Variants in GNAS-AS1 observed in about 807,000 individuals in gnomAD.
GNAS-AS1 encodes the protein GNAS antisense RNA 1, also known as GNAS antisense RNA 1 (non-protein coding).
chr20:58,840,144 C>T lies in GNAS-AS1; in HGVS notation n.819+1793G>A, dbSNP rs778940007. 2 of 1,611,598 alleles carry T rather than the reference C, an allele frequency of 1.2e-6. No homozygotes were observed. The highest frequency in any genetic ancestry group is 3.3e-5 in the Admixed American group (2 of 60,026). On this transcript the variant is annotated intron_variant and non_coding_transcript_variant, in intron 4 of 4. Coordinates refer to ENST00000424094, the Ensembl canonical transcript of GNAS-AS1. This position sits in a 1 kb window ranked among gnomAD's most constrained non-coding sequence, Gnocchi z 6.0. Reference sequence around the variant, plus strand: ...TCCCGGGCTCAGCAGTGGCGCCGAGCTCGCCATAATTACAACGACCTGTGC... The same window carrying T: ...TCCCGGGCTCAGCAGTGGCGCCGAGTTCGCCATAATTACAACGACCTGTGC...
chr20:58,844,007 T>C (rs2085844444), intron 2 of GNAS-AS1: 1 of 152,250 alleles, frequency 6.6e-6, no homozygotes, highest in Admixed American at 6.5e-5. Flanking sequence ...AGCCTTTAAC[T>C]CTTCAGCCTT....
chr20:58,831,039 T>TCAGAG (rs919753015), intron 4 of GNAS-AS1, among the ~76,000 whole-genome samples: 6 of 152,080 alleles, frequency 3.9e-5, no homozygotes, highest in African/African-American at 1.4e-4. Flanking sequence ...AAGGATGAAG[T>TCAGAG]CAGAGAAAGC....
chr20:58,827,955 T>TAAGAAGTC (rs1478559389), intron 4 of GNAS-AS1, among the ~76,000 whole-genome samples: 1 of 152,096 alleles, frequency 6.6e-6, no homozygotes, highest in African/African-American at 2.4e-5. Context: ...ACATTATAGT[T>TAAGAAGTC]AAGAAGTCAT....
rs2085726687 is a variant in GNAS-AS1, at chr20:58,841,502, C to T, written n.819+435G>A. The T allele has an allele frequency of 1.1e-5, 11 of 991,050 alleles. No individual in the cohort carries two copies. Among genetic ancestry groups the T allele is most frequent in the African/African-American group, 1.7e-5 (1 of 57,424 alleles). 61.4% of individuals were successfully genotyped at this position (991,050 alleles called of 1,614,324 possible). On this transcript the variant is annotated intron_variant and non_coding_transcript_variant, in intron 4 of 4. Coordinates refer to ENST00000424094, the Ensembl canonical transcript of GNAS-AS1. This position sits in a 1 kb window ranked among gnomAD's most constrained non-coding sequence, Gnocchi z 5.0. ...CAGGTCCCAGAGCTGACAATTAAGC[C>T]GCGGGACCTCCGCGCCAGTGCCTCC...
In GNAS-AS1 at chr20:58,828,322, T is replaced by C. The variant is rs372791629; in HGVS notation, n.820-9067A>G. 1.3e-4 allele frequency among the ~76,000 whole-genome samples: 20 copies of C among 152,366 alleles called. No individual in the cohort carries two copies. The East Asian group carries it at 3.5e-3, about 26-fold the overall frequency. On this transcript the variant is annotated intron_variant and non_coding_transcript_variant, in intron 4 of 4. Transcript: ENST00000424094. ...AGTTCTAAAGTGATCAAGAAAAGAATGTGAAGCTGTGAACTGTCCATTTGG... is the reference window on the plus strand; with the variant it reads ...AGTTCTAAAGTGATCAAGAAAAGAACGTGAAGCTGTGAACTGTCCATTTGG...
chr20:58,830,589 A>ACCACCATC (rs2085560957), intron 4 of GNAS-AS1, among the ~76,000 whole-genome samples: 2 of 35,746 alleles, frequency 5.6e-5, no homozygotes, highest in Admixed American at 2.8e-4. Flanking sequence ...CCACCACCAC[A>ACCACCATC]ATCACCACCA....
chr20:58,828,858 G>A (rs138301141), intron 4 of GNAS-AS1, among the ~76,000 whole-genome samples: 2,901 of 86,154 alleles, frequency 0.034, 17 homozygotes, highest in Middle Eastern at 0.08. Flanking sequence ...TGGCCCCACC[G>A]CCCCACTCAA....
At chr20:58,823,839 A>T (rs1303932270) in intron 4 of GNAS-AS1, among the ~76,000 whole-genome samples, 1 of 152,260 alleles carries the variant, frequency 6.6e-6, no homozygotes, top group African/African-American at 2.4e-5. Flanking sequence ...TAGTGCTCAC[A>T]GGAACAAGGG....
rs1359062961 is a variant in GNAS-AS1 at position 58,823,427 on chromosome 20, G to C, written n.820-4172C>G. Among the ~76,000 whole-genome samples the C allele has an allele frequency of 3.9e-5, 6 of 152,338 alleles. No homozygotes were observed. In the East Asian group the frequency reaches 1.2e-3, roughly 29 times the overall value. The stretch of plus-strand genomic sequence containing the variant: ...ACAAGGAGAAGGCTGGCAGGGGCTT[G>C]GGGGGCTTTGGAGAGGCAGGTCAAG... On this transcript the variant is annotated intron_variant and non_coding_transcript_variant, in intron 4 of 4. Coordinates refer to ENST00000424094, the Ensembl canonical transcript of GNAS-AS1.
At position 58,841,714 on chromosome 20, in the gene GNAS-AS1, C is replaced by A. The variant is rs900228348; in HGVS notation, n.819+223G>T. On this transcript the variant is annotated intron_variant and non_coding_transcript_variant, in intron 4 of 4. Transcript: ENST00000424094. The surrounding 1 kb of genome is among the most constrained non-coding windows in gnomAD (Gnocchi z 5.0). ...AAGGGGACCCTTGGGGATGCCCCTA[C>A]GGGCTACCAGGGTTGAACGCACAGG... is the stretch of plus-strand genomic sequence containing the variant. 13 of 1,217,242 alleles carry A rather than the reference C, an allele frequency of 1.1e-5. No individual in the cohort carries two copies. Among genetic ancestry groups the A allele is most frequent in the Non-Finnish European group, 1.2e-5 (12 of 979,116 alleles). The allele number at this position is 1,217,242 out of a possible 1,614,324, so 75.4% of individuals were successfully genotyped here. A position where few individuals can be genotyped will look rare whatever the true frequency, so the allele number is the denominator to read the frequency against.
At chr20:58,822,271 A>T (rs2085491843) in intron 4 of GNAS-AS1, among the ~76,000 whole-genome samples, 1 of 152,224 alleles carries the variant, frequency 6.6e-6, no homozygotes, top group African/African-American at 2.4e-5. Flanking sequence ...TAAGATAATA[A>T]TAGCTCCACT....
chr20:58,837,140 G>A (rs1600649674), intron 4 of GNAS-AS1, among the ~76,000 whole-genome samples: 1 of 152,020 alleles, frequency 6.6e-6, no homozygotes, highest in East Asian at 1.9e-4. Context: ...CCATTCAAAG[G>A]GCATTTACTA....
intron 4 of GNAS-AS1, among the ~76,000 whole-genome samples, chr20:58,824,907 A>G (rs2085509671): frequency 6.6e-6 from 1 of 152,188 alleles, no homozygotes. Context: ...TGGGAGTGAG[A>G]ACAGAGGTGA....
chr20:58,819,179 G>T (rs75650358), exon 5 of GNAS-AS1: 2 of 398,504 alleles, frequency 5.0e-6, no homozygotes, highest in Middle Eastern at 6.2e-4. Flanking sequence ...AACCAGGAAC[G>T]TGGCACTAAT....
chr20:58,819,007 G>A (rs1488633545), exon 5 of GNAS-AS1: 2 of 398,504 alleles, frequency 5.0e-6, no homozygotes, highest in Non-Finnish European at 8.8e-6. Context: ...TGCAGAAAAT[G>A]TGATACAGAA....
intron 2 of GNAS-AS1, among the ~76,000 whole-genome samples, chr20:58,846,687 A>C (rs1405651230): frequency 1.3e-5 from 2 of 151,786 alleles, no homozygotes; most frequent in Non-Finnish European, 2.9e-5. Context: ...TCTCCCCTCA[A>C]CCCCATGTGA....
At chr20:58,821,404 T>C (rs1257615863) in intron 4 of GNAS-AS1, among the ~76,000 whole-genome samples, 1 of 152,252 alleles carries the variant, frequency 6.6e-6, no homozygotes, top group African/African-American at 2.4e-5. Context: ...CTCTGGAGCC[T>C]GACCAGCCAC....
chr20:58,846,944 CCTCT>C (rs2145510659), intron 2 of GNAS-AS1, among the ~76,000 whole-genome samples: 1 of 152,288 alleles, frequency 6.6e-6, no homozygotes, highest in South Asian at 2.1e-4. Context: ...CCCACTTTTG[CCTCT>C]CTCTTAGTTG....
chr20:58,835,408 C>T (rs920408756), intron 4 of GNAS-AS1, among the ~76,000 whole-genome samples: 2 of 152,108 alleles, frequency 1.3e-5, no homozygotes, highest in Admixed American at 6.5e-5. Flanking sequence ...CATCTGTCTC[C>T]CCCAGGGCCA....
Sources: gnomAD v4.1 joint callset for allele counts (sites outside exome capture counted in the v4.1 genomes callset) on GRCh38, gnomAD v4.1.1 for gene constraint, Gnocchi (gnomAD v3.1) non-coding constraint, MANE v1.5 for transcripts, NCBI Gene and HGNC (gene_info 2026-07-23, HGNC 2026-07-21) for gene names.